RAB3C: variants seen among roughly 807,000 people sequenced by gnomAD.
RAB3C encodes RAB3C, member RAS oncogene family.
A neutral mutation model predicts 26.4 loss-of-function variants in RAB3C; 17 were observed. The ratio of observed to expected loss-of-function variants is 0.64; its 90% CI spans 0.44 to 0.97. The LOEUF is 0.97. Among genes scored for constraint, RAB3C ranks in the 50% least tolerant of loss-of-function variants. RAB3C has a pLI of 0.00. For missense variants in RAB3C, 242 were observed against 281.9 expected (o/e 0.86, Z 1.01); for synonymous variants, 91 against 95.9 (o/e 0.95, Z 0.30).
chr5:58,767,553 G>C (rs889359476), intron 3 of RAB3C, among the ~76,000 whole-genome samples: 24 of 152,204 alleles, frequency 1.6e-4, no homozygotes, highest in African/African-American at 5.8e-4. Flanking sequence ...AAAAGAGGCT[G>C]CAGAGGTATT....
chr5:58,831,419 A>T (rs1743611286), intron 4 of RAB3C, among the ~76,000 whole-genome samples: 1 of 152,154 alleles, frequency 6.6e-6, no homozygotes, highest in Non-Finnish European at 1.5e-5. Flanking sequence ...CCTTTCTGGA[A>T]CTTCCCCAAC....
In RAB3C at chr5:58,764,689, T is replaced by C. The variant is rs764125431; in HGVS notation, c.371+38569T>C. On this transcript the variant is annotated intron_variant, in intron 3 of 4. Coordinates refer to ENST00000282878, the MANE Select transcript of RAB3C (RefSeq NM_138453.4). ...GATAGCACTCACTATAAAATAGCAG[T>C]TCTATTGGACTGCTCTCTTGGTTAA... Among the ~76,000 whole-genome samples, 4 of 151,982 alleles carry C rather than the reference T, an allele frequency of 2.6e-5. 1 individual carries two copies. The highest frequency in any genetic ancestry group is 5.9e-5 in the Non-Finnish European group (4 of 67,888).
intron 1 of RAB3C, among the ~76,000 whole-genome samples, chr5:58,584,883 A>C (rs1178180980): frequency 6.6e-6 from 1 of 151,582 alleles, no homozygotes; most frequent in Non-Finnish European, 1.5e-5. Flanking sequence ...GGTCATTAAA[A>C]TATTACAGAA....
intron 3 of RAB3C, among the ~76,000 whole-genome samples, chr5:58,806,994 G>A (rs535719181): frequency 1.3e-5 from 2 of 152,308 alleles, no homozygotes; most frequent in South Asian, 2.1e-4. Flanking sequence ...TTGGAAATGC[G>A]TTGGTGACTT....
intron 2 of RAB3C, among the ~76,000 whole-genome samples, chr5:58,681,849 G>T (rs569729501): frequency 6.6e-6 from 1 of 152,260 alleles, no homozygotes; most frequent in East Asian, 1.9e-4. Flanking sequence ...TTTAGAGGCA[G>T]GTTGATTAGG....
intron 2 of RAB3C, among the ~76,000 whole-genome samples, chr5:58,710,810 T>C (rs1749042907): frequency 6.6e-6 from 1 of 152,146 alleles, no homozygotes; most frequent in South Asian, 2.1e-4. Flanking sequence ...CATGATGAGA[T>C]GCTGCAGCAG....
intron 2 of RAB3C, among the ~76,000 whole-genome samples, chr5:58,641,710 A>G (rs1373454770): frequency 2.0e-5 from 3 of 152,122 alleles, no homozygotes; most frequent in African/African-American, 7.2e-5. Flanking sequence ...TTTCAGGAAG[A>G]CCTGTCCCTT....
chr5:58,660,153 C>T (rs1363766326), intron 2 of RAB3C, among the ~76,000 whole-genome samples: 1 of 150,036 alleles, frequency 6.7e-6, no homozygotes, highest in Non-Finnish European at 1.5e-5. Context: ...AGAAATAAAA[C>T]AAAACAAAGC....
intron 2 of RAB3C, among the ~76,000 whole-genome samples, chr5:58,699,909 C>T (rs555060569): frequency 5.9e-5 from 9 of 152,218 alleles, no homozygotes; most frequent in Admixed American, 6.5e-5. Flanking sequence ...CCCCTGACCC[C>T]GTGTGCTTCC....
At chr5:58,769,574 C>A (rs1741984598) in intron 3 of RAB3C, among the ~76,000 whole-genome samples, 1 of 151,786 alleles carries the variant, frequency 6.6e-6, no homozygotes, top group Non-Finnish European at 1.5e-5. Context: ...CAGAGTTTGA[C>A]TTGATCTGAG....
chr5:58,709,753 G>A (rs776024606), intron 2 of RAB3C, among the ~76,000 whole-genome samples: 35 of 152,084 alleles, frequency 2.3e-4, no homozygotes, highest in Non-Finnish European at 4.7e-4. Flanking sequence ...GGATCCGAGC[G>A]CCAGTCTCAT....
At chr5:58,625,943 TCAC>T (rs1446403009) in intron 2 of RAB3C, among the ~76,000 whole-genome samples, 4 of 152,076 alleles carry the variant, frequency 2.6e-5, no homozygotes, top group Non-Finnish European at 5.9e-5. Context: ...AAGTAAAGCT[TCAC>T]ATTATGAGAA....
rs1744325141 is a variant in RAB3C at position 58,858,959 on chromosome 5, A to G, written c.*7608A>G. 6.6e-6 allele frequency: 1 copy of G among 152,210 alleles called. No individual in the cohort carries two copies. The highest frequency in any genetic ancestry group is 2.4e-5 in the African/African-American group (1 of 41,460). 9.4% of individuals were successfully genotyped at this position (152,210 alleles called of 1,614,324 possible). A position where few individuals can be genotyped will look rare whatever the true frequency, so the allele number is the denominator to read the frequency against. ...ACCTAATGCCACCTGGCAGATGTGT[A>G]CCCAGAGATTTTTCTGTAGCTCCAT... On this transcript the variant is annotated 3_prime_UTR_variant, in exon 5 of 5. Coordinates refer to ENST00000282878, the MANE Select transcript of RAB3C (RefSeq NM_138453.4).
chr5:58,836,255 A>AATT (rs1743744157), intron 4 of RAB3C, among the ~76,000 whole-genome samples: 1 of 92,536 alleles, frequency 1.1e-5, no homozygotes, highest in South Asian at 3.9e-4. Context: ...TTATTTTTAA[A>AATT]ATTAAATTAA....
At chr5:58,813,631 TATACAC>T (rs1481248289) in intron 3 of RAB3C, among the ~76,000 whole-genome samples, 527 of 11,392 alleles carry the variant, frequency 0.046, 9 homozygotes, top group Non-Finnish European at 0.07. Flanking sequence ...TATATATATA[TATACAC>T]ACACACACAC....
intron 2 of RAB3C, among the ~76,000 whole-genome samples, chr5:58,620,159 A>C (rs575916521): frequency 6.6e-6 from 1 of 151,980 alleles, no homozygotes; most frequent in Non-Finnish European, 1.5e-5. Context: ...TGCTCTGTGG[A>C]TGCCCACACT....
chr5:58,660,343 C>T (rs972050079), intron 2 of RAB3C, among the ~76,000 whole-genome samples: 1 of 149,938 alleles, frequency 6.7e-6, no homozygotes, highest in Admixed American at 6.6e-5. Flanking sequence ...CTGACAGTTA[C>T]TATGTGGTAT....
chr5:58,718,515 T>C (rs1480266941), intron 2 of RAB3C, among the ~76,000 whole-genome samples: 1 of 152,030 alleles, frequency 6.6e-6, no homozygotes, highest in Non-Finnish European at 1.5e-5. Context: ...AAATAATAGG[T>C]CAGGTTTTAT....
chr5:58,792,439 G>A (rs564716712), intron 3 of RAB3C, among the ~76,000 whole-genome samples: 16 of 152,082 alleles, frequency 1.1e-4, no homozygotes, highest in South Asian at 8.3e-4. Context: ...CCAAGTGCAC[G>A]GAAAAAAGCA....
Sources: allele counts gnomAD v4.1 joint callset (sites outside exome capture counted in the v4.1 genomes callset), GRCh38; gene constraint gnomAD v4.1.1; transcripts MANE v1.5; gene names NCBI Gene and HGNC (gene_info 2026-07-23, HGNC 2026-07-21).